ATL1: variants seen among roughly 807,000 people sequenced by gnomAD.
ATL1 encodes atlastin-1.
In ATL1, 31 loss-of-function variants were observed where a neutral mutation model predicts 75.5. That is an observed-to-expected ratio of 0.41 (90% CI 0.31 to 0.55). ATL1 has a LOEUF of 0.55. Among genes scored for constraint, ATL1 ranks in the 20% least tolerant of loss-of-function variants. ATL1 has a pLI of 0.27. For missense variants in ATL1, 405 were observed against 662.6 expected, an observed-to-expected ratio of 0.61 and a Z score of 4.27; for synonymous variants, 226 against 233.3, an observed-to-expected ratio of 0.97 and a Z score of 0.28.
At chr14:50,629,743 C>T (rs2039560923) in intron 12 of ATL1, among the ~76,000 whole-genome samples, 1 of 152,090 alleles carries the variant, frequency 6.6e-6, no homozygotes, top group South Asian at 2.1e-4. Flanking sequence ...CCCTCAACCA[C>T]AAAAGATTTA....
chr14:50,611,480 G>A (rs1414377957), intron 6 of ATL1, among the ~76,000 whole-genome samples: 1 of 152,078 alleles, frequency 6.6e-6, no homozygotes, highest in Non-Finnish European at 1.5e-5. Flanking sequence ...GTTATGACAT[G>A]TAAAACGTAG....
At chr14:50,535,551 G>T (rs955641156) in intron 1 of ATL1, among the ~76,000 whole-genome samples, 2 of 152,170 alleles carry the variant, frequency 1.3e-5, no homozygotes, top group African/African-American at 4.8e-5. Flanking sequence ...CCACAATTAT[G>T]ATTTGGATTT....
chr14:50,578,189 A>G (rs2140191966), intron 1 of ATL1, among the ~76,000 whole-genome samples: 1 of 152,332 alleles, frequency 6.6e-6, no homozygotes, highest in South Asian at 2.1e-4. Flanking sequence ...ACTTCTTTGT[A>G]TAAAGCATCT....
chr14:50,601,300 G>C (rs544262880), intron 6 of ATL1, among the ~76,000 whole-genome samples: 2 of 152,136 alleles, frequency 1.3e-5, no homozygotes, highest in African/African-American at 2.4e-5. Flanking sequence ...TTTATATCAA[G>C]CTGTAATCAA....
At chr14:50,586,204 C>T (rs1043479593) in intron 1 of ATL1, among the ~76,000 whole-genome samples, 1 of 152,100 alleles carries the variant, frequency 6.6e-6, no homozygotes, top group East Asian at 1.9e-4. Flanking sequence ...ATTTAAGAGT[C>T]CAGTTTGTTT....
At chr14:50,573,542 A>G (rs1302307946) in intron 1 of ATL1, among the ~76,000 whole-genome samples, 2 of 152,208 alleles carry the variant, frequency 1.3e-5, no homozygotes, top group African/African-American at 4.8e-5. Context: ...CGATTTATGT[A>G]CTAATGCATT....
chr14:50,631,837 A>T (rs2039584254), intron 13 of ATL1, among the ~76,000 whole-genome samples: 1 of 152,246 alleles, frequency 6.6e-6, no homozygotes, highest in Non-Finnish European at 1.5e-5. Flanking sequence ...AAGCCCAGAA[A>T]GCAAGTAGCC....
At chr14:50,578,874 G>T (rs2039031161) in intron 1 of ATL1, among the ~76,000 whole-genome samples, 1 of 152,106 alleles carries the variant, frequency 6.6e-6, no homozygotes, top group Non-Finnish European at 1.5e-5. Context: ...ATAGTTATTT[G>T]CCAAATTGCA....
chr14:50,590,005 C>A (rs1405534254), intron 2 of ATL1, among the ~76,000 whole-genome samples: 1 of 152,170 alleles, frequency 6.6e-6, no homozygotes, highest in African/African-American at 2.4e-5. Flanking sequence ...TACTGACTTA[C>A]TAAATCTATG....
chr14:50,601,002 C>T (rs1311327296), intron 6 of ATL1, among the ~76,000 whole-genome samples: 3 of 151,998 alleles, frequency 2.0e-5, no homozygotes, highest in Admixed American at 6.6e-5. Context: ...CTATTTGGAG[C>T]GGGGCTGAAG....
rs112761756 is a variant in ATL1 at position 50,602,073 on chromosome 14, T to A, written c.630+6441T>A. On this transcript the variant is annotated intron_variant, in intron 6 of 13. Coordinates refer to ENST00000358385, the MANE Select transcript of ATL1 (RefSeq NM_015915.5). ...GATCACATCCTTGGGGCAGGATCCC[T>A]ACGACTAATTCTGGATATTTTTGAT... Among the ~76,000 whole-genome samples the A allele has an allele frequency of 2.4e-3, 366 of 152,338 alleles. 1 individual carries two copies. Among genetic ancestry groups the A allele is most frequent in the African/African-American group, 8.1e-3 (337 of 41,588 alleles).
chr14:50,565,015 G>A (rs1055311921), intron 1 of ATL1, among the ~76,000 whole-genome samples: 10 of 151,952 alleles, frequency 6.6e-5, no homozygotes, highest in Admixed American at 3.3e-4. Flanking sequence ...GGCTGGACAC[G>A]GTAGCTCATG....
chr14:50,621,495 G>A, intron 9 of ATL1, among the ~76,000 whole-genome samples: 1 of 152,152 alleles, frequency 6.6e-6, no homozygotes. Flanking sequence ...CTTCACAAGG[G>A]TCTGTTCCAT....
intron 1 of ATL1, among the ~76,000 whole-genome samples, chr14:50,582,154 T>C (rs1285437843): frequency 6.6e-6 from 1 of 151,606 alleles, no homozygotes; most frequent in African/African-American, 2.4e-5. Context: ...TGGTGGCACG[T>C]GCCTGTAGTT....
In ATL1 at chr14:50,614,132, A is replaced by T. The variant is rs572178051; in HGVS notation, c.724-241A>T. On this transcript the variant is annotated intron_variant, in intron 7 of 13. Transcript: ENST00000358385. ...TTTGTATTAAAAAATGGGAAGGTCCATGTGAGTTAGCATAAGGGTAGACAC... is the reference window on the plus strand; with the variant it reads ...TTTGTATTAAAAAATGGGAAGGTCCTTGTGAGTTAGCATAAGGGTAGACAC... Among the ~76,000 whole-genome samples the T allele has an allele frequency of 3.3e-5, 5 of 152,332 alleles. No individual in the cohort carries two copies. In the South Asian group the frequency reaches 1.0e-3, roughly 32 times the overall value.
At chr14:50,580,459 T>C (rs1017410485) in intron 1 of ATL1, among the ~76,000 whole-genome samples, 1 of 152,172 alleles carries the variant, frequency 6.6e-6, no homozygotes, top group Non-Finnish European at 1.5e-5. Context: ...CCTACTTTTA[T>C]GCATCTACTG....
At chr14:50,600,924 G>A (rs554685175) in intron 6 of ATL1, among the ~76,000 whole-genome samples, 3 of 152,160 alleles carry the variant, frequency 2.0e-5, no homozygotes, top group Admixed American at 2.0e-4. Flanking sequence ...GCAACATAGT[G>A]AGACTCTATC....
chr14:50,538,275 G>A lies in ATL1; in HGVS notation c.-140+4908G>A, dbSNP rs1424687831. ...CTCCTCCTTGCCTTCTGCCACAATT[G>A]TGAGGCTTTCCCTGCCACATAGAAC... On this transcript the variant is annotated intron_variant, in intron 1 of 13. Transcript: ENST00000441560. 2.6e-5 allele frequency among the ~76,000 whole-genome samples: 4 copies of A among 152,162 alleles called. No individual in the cohort carries two copies. The East Asian group carries it at 5.8e-4, about 22-fold the overall frequency.
chr14:50,584,494 G>C (rs966115209), intron 1 of ATL1, among the ~76,000 whole-genome samples: 1 of 152,182 alleles, frequency 6.6e-6, no homozygotes, highest in Non-Finnish European at 1.5e-5. Flanking sequence ...ACGAGGTCAG[G>C]AGATCGAGAC....
Sources: allele counts gnomAD v4.1 joint callset (sites outside exome capture counted in the v4.1 genomes callset), GRCh38; gene constraint gnomAD v4.1.1; transcripts MANE v1.5; gene names NCBI Gene and HGNC (gene_info 2026-07-23, HGNC 2026-07-21).